Variants in TACR3 observed in about 807,000 individuals in gnomAD.
TACR3 encodes neuromedin-K receptor.
Under a neutral mutation model 35.0 loss-of-function variants are expected in TACR3, and 34 were observed. The observed-to-expected ratio is 0.97, with a 90% CI of 0.74 to 1.30. TACR3 has a LOEUF of 1.30. Among genes scored for constraint, TACR3 ranks in the 50% most tolerant of loss-of-function variants. TACR3 has a pLI of 0.00. For synonymous variants in TACR3, 233 were observed against 221.1 expected, an observed-to-expected ratio of 1.05 and a Z score of -0.48; for missense variants, 558 against 591.7, an observed-to-expected ratio of 0.94 and a Z score of 0.59.
At chr4:103,656,365 A>G in intron 2 of TACR3, 21 bp from the exon 3 acceptor site, 1 of 1,609,902 alleles carries the variant, frequency 6.2e-7, no homozygotes, top group Non-Finnish European at 8.5e-7. Context: ...TAAGAAAAAC[A>G]CATGCTGAAG....
chr4:103,648,318 TG>T (rs1471202612), intron 3 of TACR3, among the ~76,000 whole-genome samples: 5 of 152,198 alleles, frequency 3.3e-5, no homozygotes, highest in African/African-American at 1.2e-4. Flanking sequence ...TAATTTTAAA[TG>T]TACAATTAAA....
chr4:103,716,681 T>A (rs1723098088), intron 1 of TACR3, among the ~76,000 whole-genome samples: 3 of 139,384 alleles, frequency 2.2e-5, no homozygotes, highest in Admixed American at 6.8e-5. Flanking sequence ...AAAAGCCATA[T>A]GTGCCCAAGT....
intron 3 of TACR3, among the ~76,000 whole-genome samples, chr4:103,646,844 G>C (rs1250707427): frequency 6.6e-6 from 1 of 151,934 alleles, no homozygotes; most frequent in Non-Finnish European, 1.5e-5. Flanking sequence ...CTGTAAATAA[G>C]ATGCTAACTC....
intron 3 of TACR3, among the ~76,000 whole-genome samples, chr4:103,629,861 C>CAAAAAAAAAAAAA (rs373706568): frequency 2.0e-5 from 2 of 98,514 alleles, no homozygotes; most frequent in East Asian, 2.4e-4. Flanking sequence ...AAAAAAAAAA[C>CAAAAAAAAAAAAA]AAAAAAAAAA....
intron 3 of TACR3, among the ~76,000 whole-genome samples, chr4:103,611,708 A>G (rs1006048254): frequency 6.6e-6 from 1 of 152,184 alleles, no homozygotes; most frequent in African/African-American, 2.4e-5. Flanking sequence ...ATTCTGGAGC[A>G]AAAGGCCAAT....
At chr4:103,601,522 A>C (rs1397157624) in intron 3 of TACR3, among the ~76,000 whole-genome samples, 5 of 152,062 alleles carry the variant, frequency 3.3e-5, no homozygotes, top group African/African-American at 1.2e-4. Context: ...AATGGCTGGT[A>C]CTGGTTGTTC....
chr4:103,609,237 C>T (rs981604185), intron 3 of TACR3, among the ~76,000 whole-genome samples: 5 of 152,064 alleles, frequency 3.3e-5, no homozygotes, highest in Non-Finnish European at 5.9e-5. Context: ...CATTCTATTT[C>T]AACAGTGGCC....
At chr4:103,609,716 A>G (rs1724472336) in intron 3 of TACR3, among the ~76,000 whole-genome samples, 1 of 151,906 alleles carries the variant, frequency 6.6e-6, no homozygotes, top group Admixed American at 6.6e-5. Flanking sequence ...TTCCTATCGA[A>G]CTGTAAATTT....
chr4:103,621,530 T>C (rs1724782223), intron 3 of TACR3, among the ~76,000 whole-genome samples: 1 of 152,140 alleles, frequency 6.6e-6, no homozygotes, highest in African/African-American at 2.4e-5. Context: ...AAGAATTAGG[T>C]AGTTCTAAAC....
intron 1 of TACR3, among the ~76,000 whole-genome samples, chr4:103,715,813 C>A (rs976600430): frequency 1.3e-5 from 2 of 152,058 alleles, no homozygotes; most frequent in African/African-American, 2.4e-5. Context: ...GAATGGAAAT[C>A]AAAATATTTG....
At chr4:103,602,788 A>G (rs750277237) in intron 3 of TACR3, among the ~76,000 whole-genome samples, 10 of 152,252 alleles carry the variant, frequency 6.6e-5, no homozygotes, top group Non-Finnish European at 1.5e-4. Flanking sequence ...GTGAGGTGTT[A>G]GTCCAGCCCT....
At chr4:103,654,505 A>T (rs1297565114) in intron 3 of TACR3, among the ~76,000 whole-genome samples, 1 of 132,730 alleles carries the variant, frequency 7.5e-6, no homozygotes, top group East Asian at 2.3e-4. Flanking sequence ...ATGAGAACAG[A>T]TGGACACAGG....
At position 103,586,855 on chromosome 4, in the gene TACR3, C is replaced by T. The variant is rs1174183269; in HGVS notation, c.*2827G>A. ...CAATATCTTGTACTTTGTCCAGATGCAAAATAGTAAGCAATGTTTATTTTT... is the reference window on the plus strand; with the variant it reads ...CAATATCTTGTACTTTGTCCAGATGTAAAATAGTAAGCAATGTTTATTTTT... On this transcript the variant is annotated 3_prime_UTR_variant, in exon 5 of 5. Transcript: ENST00000304883. 6.6e-6 allele frequency: 1 copy of T among 151,988 alleles called. No individual in the cohort carries two copies. Among genetic ancestry groups the T allele is most frequent in the Non-Finnish European group, 1.5e-5 (1 of 67,992 alleles). The allele number at this position is 151,988 out of a possible 1,614,324, so 9.4% of individuals were successfully genotyped here.
intron 3 of TACR3, among the ~76,000 whole-genome samples, chr4:103,646,398 A>C (rs1042583102): frequency 2.0e-5 from 3 of 152,018 alleles, no homozygotes; most frequent in Non-Finnish European, 4.4e-5. Flanking sequence ...TATAACATTC[A>C]CATTGTTTCC....
intron 1 of TACR3, among the ~76,000 whole-genome samples, chr4:103,670,477 C>G (rs1431583078): frequency 6.6e-6 from 1 of 151,856 alleles, no homozygotes; most frequent in African/African-American, 2.4e-5. Context: ...GAAATATCTT[C>G]CCATTTTTGG....
At chr4:103,638,170 C>T (rs1046280021) in intron 3 of TACR3, among the ~76,000 whole-genome samples, 1 of 151,878 alleles carries the variant, frequency 6.6e-6, no homozygotes, top group African/African-American at 2.4e-5. Flanking sequence ...GGAGGCATCA[C>T]ACTACCTGAC....
intron 3 of TACR3, among the ~76,000 whole-genome samples, chr4:103,604,190 A>T (rs1207521608): frequency 6.6e-6 from 1 of 152,230 alleles, no homozygotes; most frequent in Non-Finnish European, 1.5e-5. Context: ...ACCAAAACAG[A>T]TATACAAACC....
At chr4:103,651,965 T>C (rs1418370966) in intron 3 of TACR3, among the ~76,000 whole-genome samples, 1 of 152,048 alleles carries the variant, frequency 6.6e-6, no homozygotes, top group Non-Finnish European at 1.5e-5. Context: ...GTATCCAAGA[T>C]GCAAAACAGT....
intron 3 of TACR3, among the ~76,000 whole-genome samples, chr4:103,596,284 T>C (rs1724014424): frequency 6.6e-6 from 1 of 151,988 alleles, no homozygotes; most frequent in Non-Finnish European, 1.5e-5. Context: ...GATGGCTGGG[T>C]CAAATGGTAT....
Sources: gnomAD v4.1 joint callset for allele counts (sites outside exome capture counted in the v4.1 genomes callset) on GRCh38, gnomAD v4.1.1 for gene constraint, MANE v1.5 for transcripts, NCBI Gene and HGNC (gene_info 2026-07-23, HGNC 2026-07-21) for gene names.